KIAA1217: variants seen among roughly 807,000 people sequenced by gnomAD.
The protein encoded by KIAA1217 is KIAA1217, also known as sickle tail protein homolog.
A neutral mutation model predicts 163.9 loss-of-function variants in KIAA1217; 88 were observed. That is an observed-to-expected ratio of 0.54 (90% CI 0.45 to 0.64). The LOEUF is 0.64. Ranked by LOEUF, KIAA1217 falls within the 30% of genes least tolerant of loss-of-function variation. The pLI is 0.00. For missense variants in KIAA1217, 2,372 were observed against 2,475.0 expected (o/e 0.96, Z 0.88); for synonymous variants, 903 against 923.1 (o/e 0.98, Z 0.39).
intron 1 of KIAA1217, among the ~76,000 whole-genome samples, chr10:23,751,291 G>T (rs1248563423): frequency 1.3e-5 from 2 of 152,144 alleles, no homozygotes; most frequent in Non-Finnish European, 2.9e-5. Context: ...GCCTTCCAAA[G>T]TGCTGGGATT....
intron 4 of KIAA1217, among the ~76,000 whole-genome samples, chr10:24,434,891 G>A (rs974689954): frequency 1.3e-5 from 2 of 152,188 alleles, no homozygotes; most frequent in African/African-American, 4.8e-5. Flanking sequence ...TAAGTACCAA[G>A]CTCTGCCCCA....
At chr10:23,917,301 A>G (rs1842670145) in intron 1 of KIAA1217, among the ~76,000 whole-genome samples, 1 of 152,086 alleles carries the variant, frequency 6.6e-6, no homozygotes, top group African/African-American at 2.4e-5. Context: ...ATGGTCCCTC[A>G]CTCAGAAGGA....
At chr10:24,497,854 TA>T (rs909484837) in intron 8 of KIAA1217, among the ~76,000 whole-genome samples, 1 of 150,992 alleles carries the variant, frequency 6.6e-6, no homozygotes, top group Non-Finnish European at 1.5e-5. Flanking sequence ...GGATGAGGGA[TA>T]AAAAAAACTA....
intron 17 of KIAA1217, 75 bp from the exon 18 acceptor site, chr10:24,542,618 A>G (rs1412294746): frequency 1.3e-6 from 2 of 1,584,490 alleles, no homozygotes; most frequent in African/African-American, 1.3e-5. Context: ...TAATTAAAGG[A>G]ACGATTTAGT....
chr10:23,930,830 A>G (rs1389539585), intron 1 of KIAA1217, among the ~76,000 whole-genome samples: 2 of 152,162 alleles, frequency 1.3e-5, no homozygotes, highest in African/African-American at 4.8e-5. Context: ...GCCCTTAACA[A>G]TCATGTGACC....
intron 2 of KIAA1217, among the ~76,000 whole-genome samples, chr10:24,044,443 G>T (rs1404463525): frequency 6.6e-6 from 1 of 152,064 alleles, no homozygotes; most frequent in Non-Finnish European, 1.5e-5. Flanking sequence ...AGCTTATCAC[G>T]TGTCAGATTT....
At chr10:23,848,735 A>T (rs1046193573) in intron 1 of KIAA1217, among the ~76,000 whole-genome samples, 1 of 151,972 alleles carries the variant, frequency 6.6e-6, no homozygotes, top group Non-Finnish European at 1.5e-5. Flanking sequence ...CCTCTTATAT[A>T]TCTATTGAAT....
intron 8 of KIAA1217, among the ~76,000 whole-genome samples, chr10:24,499,117 A>G (rs993793038): frequency 1.3e-5 from 2 of 152,190 alleles, no homozygotes; most frequent in Non-Finnish European, 2.9e-5. Context: ...GTGTGCGCCT[A>G]TCCCTCAAAG....
intron 2 of KIAA1217, among the ~76,000 whole-genome samples, chr10:24,162,231 T>C (rs1299110937): frequency 6.6e-6 from 1 of 152,208 alleles, no homozygotes; most frequent in Non-Finnish European, 1.5e-5. Context: ...AAATTTCCAG[T>C]CCTCCGAAAG....
Position 24,089,045 on chromosome 10 carries a change from G to C in KIAA1217, c.-171+81671G>C, listed in dbSNP as rs1163838369. ...TTGATTTGCATTTCTCTGATGGCCA[G>C]TGGTGATGAGCATTTTTTCATGTGT... On this transcript the variant is annotated intron_variant, in intron 2 of 18. Transcript: ENST00000376462. Among the ~76,000 whole-genome samples, 9 of 125,662 alleles carry C rather than the reference G, an allele frequency of 7.2e-5. 2 individuals carry two copies. The highest frequency in any genetic ancestry group is 7.9e-5 in the Non-Finnish European group (4 of 50,842). The allele number at this position is 125,662 out of a possible 152,430, so 82.4% of individuals were successfully genotyped here.
intron 14 of KIAA1217, among the ~76,000 whole-genome samples, chr10:24,529,665 A>G (rs915866257): frequency 2.6e-5 from 4 of 151,200 alleles, no homozygotes; most frequent in Admixed American, 2.0e-4. Flanking sequence ...CTTTTCTTAC[A>G]CCTTTCCCCA....
At chr10:23,955,606 G>C (rs964455247) in intron 1 of KIAA1217, among the ~76,000 whole-genome samples, 2 of 152,286 alleles carry the variant, frequency 1.3e-5, no homozygotes, top group East Asian at 3.9e-4. Context: ...CTGGTAGGTC[G>C]TCTGCCCAAT....
Position 24,445,773 on chromosome 10 carries a change from T to G in KIAA1217, c.846+7294T>G, listed in dbSNP as rs1172364613. On this transcript the variant is annotated intron_variant, in intron 5 of 20. Coordinates refer to ENST00000376454, the MANE Select transcript of KIAA1217 (RefSeq NM_019590.5). ...TATGTGCCACATTTTCTTAATCCAG[T>G]CTATCCTTGTTGGACATTTGGGTTG... Among the ~76,000 whole-genome samples the G allele has an allele frequency of 4.6e-5, 7 of 152,210 alleles. No individual in the cohort carries two copies. In the East Asian group the frequency reaches 1.4e-3, roughly 29 times the overall value.
At chr10:23,994,048 C>T (rs1324771499) in intron 1 of KIAA1217, among the ~76,000 whole-genome samples, 1 of 152,134 alleles carries the variant, frequency 6.6e-6, no homozygotes, top group African/African-American at 2.4e-5. Flanking sequence ...CAAGGCTTAG[C>T]GACTACTCTA....
intron 2 of KIAA1217, chr10:24,158,407 G>T (rs2064974635): frequency 1.7e-6 from 1 of 597,054 alleles, no homozygotes; most frequent in Admixed American, 1.9e-5. Context: ...ATTACAATTT[G>T]CACAGTATGG....
chr10:24,318,418 T>G (rs139414554), intron 2 of KIAA1217, among the ~76,000 whole-genome samples: 3 of 152,246 alleles, frequency 2.0e-5, no homozygotes, highest in South Asian at 2.1e-4. Flanking sequence ...AGGAGGGAAT[T>G]CTGCCTCTAG....
At chr10:24,003,147 G>GT (rs1356340062) in intron 1 of KIAA1217, among the ~76,000 whole-genome samples, 1 of 151,776 alleles carries the variant, frequency 6.6e-6, no homozygotes, top group Non-Finnish European at 1.5e-5. Context: ...TTTGTTTTTT[G>GT]TTTTTTCATT....
At chr10:24,053,629 A>AAAAG (rs574713201) in intron 2 of KIAA1217, among the ~76,000 whole-genome samples, 34 of 152,200 alleles carry the variant, frequency 2.2e-4, no homozygotes, top group Admixed American at 3.3e-4. Flanking sequence ...TCAAAAAATA[A>AAAAG]AAAGAAAGAA....
chr10:24,326,343 C>T (rs538181577), intron 2 of KIAA1217, among the ~76,000 whole-genome samples: 2 of 152,176 alleles, frequency 1.3e-5, no homozygotes, highest in Non-Finnish European at 2.9e-5. Flanking sequence ...CCATTTGCTT[C>T]CTTGTCCCCC....
Sources: allele counts gnomAD v4.1 joint callset (sites outside exome capture counted in the v4.1 genomes callset), GRCh38; gene constraint gnomAD v4.1.1; transcripts MANE v1.5; gene names NCBI Gene and HGNC (gene_info 2026-07-23, HGNC 2026-07-21).